Variants in NLRC5 observed in about 807,000 individuals in gnomAD.
NLRC5 encodes the protein NLR family CARD domain containing 5, also known as protein NLRC5.
A neutral mutation model predicts 206.9 loss-of-function variants in NLRC5; 114 were observed. The observed-to-expected ratio is 0.55, with a 90% CI of 0.47 to 0.64. The LOEUF (loss-of-function observed/expected upper bound fraction) is 0.64, where lower values mean the gene tolerates loss of function less well. NLRC5 is among the 30% of genes least tolerant of loss of function. NLRC5 has a pLI of 0.00. For missense variants in NLRC5, 2,008 were observed against 2,305.5 expected, an observed-to-expected ratio of 0.87 and a Z score of 2.64; for synonymous variants, 952 against 962.8, an observed-to-expected ratio of 0.99 and a Z score of 0.21.
Position 57,059,498 on chromosome 16 carries a change from T to C in NLRC5, c.3952T>C (p.Phe1318Leu). 6.2e-7 allele frequency: 1 copy of C among 1,612,166 alleles called. No individual in the cohort carries two copies. The highest frequency in any genetic ancestry group is 8.5e-7 in the Non-Finnish European group (1 of 1,179,228). ...CTCTGAGCAGAGCTTCCGGATTCACTTCTCCAGAGAGGACCAGGCTGGGAA... is the reference window on the plus strand; with the variant it reads ...CTCTGAGCAGAGCTTCCGGATTCACCTCTCCAGAGAGGACCAGGCTGGGAA... ...LGSEQSFRIH[F>L]SREDQAGKTL... is the part of the protein sequence containing the mutation. Residue 1318 changes from phenylalanine to leucine, a missense_variant, in exon 30 of 49, where the codon TTC (phenylalanine) becomes CTC (leucine). Coordinates refer to ENST00000688547, the MANE Select transcript of NLRC5 (RefSeq NM_001384950.1).
intron 30 of NLRC5, among the ~76,000 whole-genome samples, chr16:57,060,364 C>T (rs1380890075): frequency 2.6e-5 from 4 of 151,774 alleles, no homozygotes; most frequent in African/African-American, 9.7e-5. Flanking sequence ...CTCCCCCACA[C>T]CACACACACG....
intron 39 of NLRC5, 29 bp downstream of exon 39, chr16:57,074,712 G>A (rs1282941869): frequency 1.9e-6 from 3 of 1,603,408 alleles, no homozygotes; most frequent in African/African-American, 2.7e-5. Flanking sequence ...CCATGGGAAT[G>A]AGTGGGAAGA....
intron 48 of NLRC5, 23 bp from the exon 49 acceptor site, chr16:57,082,394 G>A: frequency 6.5e-7 from 1 of 1,545,522 alleles, no homozygotes; most frequent in Non-Finnish European, 8.9e-7. Context: ...GGATGAATGA[G>A]TGCCTATATC....
chr16:57,040,660 C>A lies in NLRC5; in HGVS notation c.2881C>A (p.Leu961Ile). Reference protein sequence around the residue: ...QKGPQERAAFLDSLMLQMPSE... With the variant: ...QKGPQERAAFIDSLMLQMPSE... ...GTGATGTCCCTCCAGGGCTGCATTT[C>A]TTGACAGCCTCATGCTCCAGATGCC... is the stretch of plus-strand genomic sequence containing the variant. The change falls in exon 17 of 49, where the codon CTT becomes ATT. Residue 961 changes from leucine to isoleucine, a missense_variant. Leu to Ile is a conservative substitution (Grantham distance 5). Coordinates refer to ENST00000688547, the MANE Select transcript of NLRC5 (RefSeq NM_001384950.1). 2 of 1,614,160 alleles carry A rather than the reference C, an allele frequency of 1.2e-6. No individual in the cohort carries two copies. The highest frequency in any genetic ancestry group is 1.7e-6 in the Non-Finnish European group (2 of 1,179,994).
intron 6 of NLRC5, 39 bp downstream of exon 6, chr16:57,027,057 C>T: frequency 6.3e-7 from 1 of 1,585,390 alleles, no homozygotes; most frequent in Non-Finnish European, 8.6e-7. Context: ...GGGGATTGGG[C>T]TTTTGGGGGA....
At position 57,043,549 on chromosome 16, in the gene NLRC5, T is replaced by A; in HGVS notation, c.3148T>A (p.Leu1050Met). 1 of 1,614,136 alleles carries A rather than the reference T, an allele frequency of 6.2e-7. No homozygotes were observed. The highest frequency in any genetic ancestry group is 1.1e-5 in the South Asian group (1 of 91,084). The change falls in exon 20 of 49, where the codon TTG becomes ATG. Residue 1050 changes from leucine (L) to methionine (M), a missense_variant. Transcript: ENST00000688547. ...GAACGGTTTGTCCCTGGATGCCGTG[T>A]TGGGTTTGGTTCGGTGCTTCTCCAC... The part of the protein sequence containing the change: ...SENGLSLDAV[L>M]GLVRCFSTLQ...
Position 57,026,017 on chromosome 16 carries a change from G to A in NLRC5, c.1074G>A (p.Glu358=). 1 of 1,614,096 alleles carries A rather than the reference G, an allele frequency of 6.2e-7. No homozygotes were observed. Among genetic ancestry groups the A allele is most frequent in the Non-Finnish European group, 8.5e-7 (1 of 1,180,046 alleles). ...PGKLPACLPA[E]AAMVHMLGFD... is the part of the protein sequence containing the mutation. Reference sequence around the variant, plus strand: ...AGCTGCCTGCCTGCCTGCCTGCAGAGGCAGCCATGGTCCACATGTTGGGCT... The same window carrying A: ...AGCTGCCTGCCTGCCTGCCTGCAGAAGCAGCCATGGTCCACATGTTGGGCT... Residue 358 remains glutamate, a synonymous_variant, in exon 6 of 49, where the codon GAG becomes GAA. Coordinates refer to ENST00000688547, the MANE Select transcript of NLRC5 (RefSeq NM_001384950.1).
At chr16:57,048,915 A>G (rs185228006) in intron 23 of NLRC5, among the ~76,000 whole-genome samples, 16 of 152,290 alleles carry the variant, frequency 1.1e-4, no homozygotes, top group Non-Finnish European at 1.5e-5. Context: ...GTTTTCACAG[A>G]GTATATACTG....
At position 57,026,022 on chromosome 16, in the gene NLRC5, C is replaced by T; in HGVS notation, c.1079C>T (p.Ala360Val). 1.9e-6 allele frequency: 3 copies of T among 1,613,976 alleles called. No individual in the cohort carries two copies. Among genetic ancestry groups the T allele is most frequent in the Non-Finnish European group, 2.5e-6 (3 of 1,180,044 alleles). ...KLPACLPAEA[A>V]MVHMLGFDGP... ...CCTGCCTGCCTGCCTGCAGAGGCAG[C>T]CATGGTCCACATGTTGGGCTTTGAT... is the stretch of plus-strand genomic sequence containing the variant. The change falls in exon 6 of 49, where the codon GCC (alanine) becomes GTC (valine). Residue 360 changes from alanine to valine, a missense_variant. By Grantham distance (64) the Ala-to-Val change is moderately conservative. Coordinates refer to ENST00000688547, the MANE Select transcript of NLRC5 (RefSeq NM_001384950.1).
intron 28 of NLRC5, 132 bp downstream of exon 28, chr16:57,058,280 A>G (rs1033446606): frequency 5.0e-5 from 36 of 725,324 alleles, no homozygotes; most frequent in Non-Finnish European, 4.0e-5. Flanking sequence ...GCAAGGGGCA[A>G]TTCTTCCCTT....
intron 27 of NLRC5, among the ~76,000 whole-genome samples, chr16:57,055,785 C>T (rs1214797791): frequency 6.6e-6 from 1 of 152,184 alleles, no homozygotes; most frequent in Non-Finnish European, 1.5e-5. Context: ...TATGTGCAAG[C>T]TCTGCTGGCA....
chr16:57,081,210 G>A lies in NLRC5; in HGVS notation c.5405+29G>A, dbSNP rs566479236. 3.3e-4 allele frequency: 502 copies of A among 1,528,614 alleles called. 1 individual carries two copies. In the South Asian group the frequency reaches 5.5e-3, roughly 17 times the overall value. The allele number at this position is 1,528,614 out of a possible 1,614,324, so 94.7% of individuals were successfully genotyped here. Reference sequence around the variant, plus strand: ...TGAGGGGCCGGGGGAGGAATGGGACGGGCTAAAGGGGGACCTACATCCCGG... The same window carrying A: ...TGAGGGGCCGGGGGAGGAATGGGACAGGCTAAAGGGGGACCTACATCCCGG... On this transcript the variant is annotated intron_variant, in intron 47 of 48. Transcript: ENST00000688547.
At chr16:57,057,606 T>C (rs1368305642) in intron 27 of NLRC5, among the ~76,000 whole-genome samples, 1 of 152,168 alleles carries the variant, frequency 6.6e-6, no homozygotes, top group East Asian at 1.9e-4. Flanking sequence ...GGATCCCAAA[T>C]GATGCCGGCC....
At position 57,078,034 on chromosome 16, in the gene NLRC5, T is replaced by C. The variant is rs745669546; in HGVS notation, c.5081+14T>C. 5.1e-6 allele frequency: 8 copies of C among 1,576,558 alleles called. No homozygotes were observed. The highest frequency in any genetic ancestry group is 6.9e-6 in the Non-Finnish European group (8 of 1,155,856). Reference sequence around the variant, plus strand: ...GAGGGTCCTACAGTGAGTGGCCCCCTGCCCATACCATGCAGGGCTGGTGGG... The same window carrying C: ...GAGGGTCCTACAGTGAGTGGCCCCCCGCCCATACCATGCAGGGCTGGTGGG... On this transcript the variant is annotated intron_variant, in intron 43 of 48. Transcript: ENST00000688547.
At chr16:57,055,306 C>T (rs1432300798) in intron 26 of NLRC5, 127 bp from the exon 27 acceptor site, 13 of 961,522 alleles carry the variant, frequency 1.4e-5, no homozygotes, top group Non-Finnish European at 1.8e-5. Flanking sequence ...TGGACACTTC[C>T]AGAGGGTCCA....
intron 1 of NLRC5, among the ~76,000 whole-genome samples, chr16:57,007,965 T>C (rs1376299190): frequency 6.6e-6 from 1 of 152,248 alleles, no homozygotes; most frequent in African/African-American, 2.4e-5. Context: ...TGTGGTATTC[T>C]TTGACAATAC....
chr16:57,034,337 TG>T, intron 13 of NLRC5, 86 bp downstream of exon 13: 2 of 758,584 alleles, frequency 2.6e-6, no homozygotes, highest in Non-Finnish European at 2.2e-6. Flanking sequence ...GTGGGTGGTG[TG>T]GGGGAGGGGC....
chr16:57,048,742 C>T (rs1002659351), intron 23 of NLRC5, among the ~76,000 whole-genome samples: 6 of 152,140 alleles, frequency 3.9e-5, no homozygotes, highest in Admixed American at 3.3e-4. Context: ...CCATGTTGGC[C>T]AGGCTGGTCT....
chr16:57,074,546 C>G lies in NLRC5; in HGVS notation c.4668-54C>G, dbSNP rs1421346825. The G allele has an allele frequency of 7.2e-6, 11 of 1,533,278 alleles. No homozygotes were observed. In the East Asian group the frequency reaches 2.5e-4, roughly 35 times the overall value. The allele number at this position is 1,533,278 out of a possible 1,614,324, so 95.0% of individuals were successfully genotyped here. A position where few individuals can be genotyped will look rare whatever the true frequency, so the allele number is the denominator to read the frequency against. ...AGCACAGAGGCCTCAGACCCCCAGACTGGACAGTGCCCCACCCCCAGATGT... is the reference window on the plus strand; with the variant it reads ...AGCACAGAGGCCTCAGACCCCCAGAGTGGACAGTGCCCCACCCCCAGATGT... On this transcript the variant is annotated intron_variant, in intron 38 of 48. Transcript: ENST00000688547.
Sources: allele counts gnomAD v4.1 joint callset (sites outside exome capture counted in the v4.1 genomes callset), GRCh38; gene constraint gnomAD v4.1.1; transcripts MANE v1.5; gene names NCBI Gene and HGNC (gene_info 2026-07-23, HGNC 2026-07-21).